CATSPER2: variants seen among roughly 807,000 people sequenced by gnomAD.
CATSPER2 encodes cation channel sperm associated 2, also known as cation channel sperm-associated protein 2.
Under a neutral mutation model 68.8 loss-of-function variants are expected in CATSPER2, and 56 were observed. The observed-to-expected ratio is 0.81, with a 90% confidence interval of 0.66 to 1.02. CATSPER2 has a LOEUF of 1.02. Among genes scored for constraint, CATSPER2 ranks in the 50% least tolerant of loss-of-function variants. The probability of loss-of-function intolerance (pLI) is 0.00; values close to 1 mark genes in which losing one functional copy is unlikely to be tolerated. For synonymous variants in CATSPER2, 198 were observed against 229.9 expected, an observed-to-expected ratio of 0.86 and a Z score of 1.26; for missense variants, 582 against 642.0, an observed-to-expected ratio of 0.91 and a Z score of 1.01.
Position 43,638,889 on chromosome 15 carries a change from C to T in CATSPER2, c.842+15G>A. ...AATTTTCTCCCCTCACCCAGCTGTC[C>T]CCAGCTCTGCTTACGAGAAGAACAC... is the stretch of plus-strand genomic sequence containing the variant. On this transcript the variant is annotated intron_variant, in intron 7 of 12. Coordinates refer to ENST00000396879, the MANE Select transcript of CATSPER2 (RefSeq NM_172095.4). The T allele has an allele frequency of 1.2e-6, 2 of 1,612,490 alleles. No homozygotes were observed. The highest frequency in any genetic ancestry group is 1.7e-6 in the Non-Finnish European group (2 of 1,179,160).
chr15:43,639,305 C>A lies in CATSPER2; in HGVS notation c.718-277G>T, dbSNP rs527819913. On this transcript the variant is annotated intron_variant, in intron 6 of 12. Transcript: ENST00000396879. Reference sequence around the variant, plus strand: ...TGTCGCCTAGGCTAGAGTGCAGTGGCGCAGTCTCGGCTCACTGCAACTTCC... The same window carrying A: ...TGTCGCCTAGGCTAGAGTGCAGTGGAGCAGTCTCGGCTCACTGCAACTTCC... 2.1e-4 allele frequency: 97 copies of A among 461,456 alleles called. 3 individuals are homozygous for A. The highest frequency in any genetic ancestry group is 9.3e-4 in the South Asian group (43 of 46,080). 28.6% of individuals were successfully genotyped at this position (461,456 alleles called of 1,614,324 possible).
Position 43,647,949 on chromosome 15 carries a change from G to A in CATSPER2, c.113C>T (p.Ala38Val), listed in dbSNP as rs1370654427. Residue 38 changes from alanine to valine, a missense_variant, in exon 2 of 13, where the codon GCT (alanine) becomes GTT (valine). This residue lies in a region of CATSPER2 where 197 missense variants were observed against 191.0 expected (regional missense o/e 1.03). Coordinates refer to ENST00000396879, the MANE Select transcript of CATSPER2 (RefSeq NM_172095.4). ...CTCCCTGATAGTGTGCCGCGGCACA[G>A]CTTGGCTCAAGCCTTGCAAATGCTC... ...LIEHLQGLSQ[A>V]VPRHTIRELL... is the part of the protein sequence containing the mutation. The A allele has an allele frequency of 6.8e-6, 11 of 1,613,594 alleles. No individual in the cohort carries two copies. The highest frequency in any genetic ancestry group is 8.5e-6 in the Non-Finnish European group (10 of 1,179,782).
At chr15:43,639,585 T>A in intron 6 of CATSPER2, 58 bp downstream of exon 6, 1 of 1,610,082 alleles carries the variant, frequency 6.2e-7, no homozygotes, top group South Asian at 1.1e-5. Flanking sequence ...ATATTCTATG[T>A]TAAGCCCTCA....
rs1360405041 is a variant in CATSPER2 at position 43,630,532 on chromosome 15, T to G, written c.*169A>C. On this transcript the variant is annotated 3_prime_UTR_variant, in exon 13 of 13. Coordinates refer to ENST00000396879, the MANE Select transcript of CATSPER2 (RefSeq NM_172095.4). ...ACCACACCCAGCTAATTTTTTTGTATTTTTAGTAGAGACAGGGTTTCACCA... is the reference window on the plus strand; with the variant it reads ...ACCACACCCAGCTAATTTTTTTGTAGTTTTAGTAGAGACAGGGTTTCACCA... 7.6e-6 allele frequency: 11 copies of G among 1,452,932 alleles called. No homozygotes were observed. The East Asian group carries it at 1.0e-4, about 14-fold the overall frequency. 90.0% of individuals were successfully genotyped at this position (1,452,932 alleles called of 1,614,324 possible).
In CATSPER2 at chr15:43,647,098, T is replaced by C. The variant is rs200118508; in HGVS notation, c.340A>G (p.Ile114Val). The C allele has an allele frequency of 8.1e-6, 13 of 1,612,816 alleles. No homozygotes were observed. The highest frequency in any genetic ancestry group is 1.1e-5 in the Non-Finnish European group (13 of 1,178,952). ...GTATTCAAAAAGACCAGGAAGATGATGAAGTTTTTGAAGAGAGGACCTGTT... is the reference window on the plus strand; with the variant it reads ...GTATTCAAAAAGACCAGGAAGATGACGAAGTTTTTGAAGAGAGGACCTGTT... Reference protein sequence around the residue: ...VLECPLFKNFIIFLVFLNTII... With the variant: ...VLECPLFKNFVIFLVFLNTII... Residue 114 changes from isoleucine (I) to valine (V), a missense_variant, in exon 4 of 13, where the codon ATC becomes GTC. By Grantham distance (29) the Ile-to-Val change is conservative. Coordinates refer to ENST00000396879, the MANE Select transcript of CATSPER2 (RefSeq NM_172095.4).
chr15:43,643,191 T>C (rs1422539676), intron 4 of CATSPER2, among the ~76,000 whole-genome samples: 2 of 151,948 alleles, frequency 1.3e-5, no homozygotes, highest in Non-Finnish European at 2.9e-5. Context: ...TAAATTCACA[T>C]TGGTTTCAAG....
At chr15:43,640,826 C>A (rs1226709083) in intron 4 of CATSPER2, among the ~76,000 whole-genome samples, 1 of 151,862 alleles carries the variant, frequency 6.6e-6, no homozygotes, top group East Asian at 1.9e-4. Context: ...AACCCCACCC[C>A]CATCTACTGT....
intron 1 of CATSPER2, 63 bp downstream of exon 1, chr15:43,648,566 C>A: frequency 7.5e-7 from 1 of 1,330,010 alleles, no homozygotes; most frequent in Non-Finnish European, 9.8e-7. Flanking sequence ...CCAAGTGTGT[C>A]CACTCCAACA....
At position 43,648,687 on chromosome 15, in the gene CATSPER2, A is replaced by C. The variant is rs1207568220; in HGVS notation, c.-61T>G. The C allele has an allele frequency of 1.2e-5, 17 of 1,445,712 alleles. No individual in the cohort carries two copies. The highest frequency in any genetic ancestry group is 7.3e-5 in the African/African-American group (5 of 68,620). 89.6% of individuals were successfully genotyped at this position (1,445,712 alleles called of 1,614,324 possible). On this transcript the variant is annotated 5_prime_UTR_variant, in exon 1 of 13. Coordinates refer to ENST00000396879, the MANE Select transcript of CATSPER2 (RefSeq NM_172095.4). ...TATTTCACGCTTCCGCCTCCAGCTCAGGTGCCCCGAGCCTGGCTACCCCTA... is the reference window on the plus strand; with the variant it reads ...TATTTCACGCTTCCGCCTCCAGCTCCGGTGCCCCGAGCCTGGCTACCCCTA...
intron 6 of CATSPER2, chr15:43,639,312 T>A (rs1432470399): frequency 2.2e-6 from 1 of 460,934 alleles, no homozygotes; most frequent in Non-Finnish European, 3.9e-6. Flanking sequence ...TGGCGCAGTC[T>A]CGGCTCACTG....
intron 8 of CATSPER2, 52 bp from the exon 9 acceptor site, chr15:43,635,878 A>G: frequency 1.3e-6 from 2 of 1,545,622 alleles, no homozygotes; most frequent in Non-Finnish European, 1.8e-6. Context: ...TAGACTTGGG[A>G]AGAGGGCTTG....
At chr15:43,639,098 C>G in intron 6 of CATSPER2, 70 bp from the exon 7 acceptor site, 2 of 1,584,752 alleles carry the variant, frequency 1.3e-6, no homozygotes. Context: ...CCCAGTCAAG[C>G]TCACCTGGCA....
Position 43,630,614 on chromosome 15 carries a change from G to C in CATSPER2, c.*87C>G. ...TTAATGAACAGACATTGTTCTATCTGAATGTTTATATTTTCAATTCTCTAT... is the reference window on the plus strand; with the variant it reads ...TTAATGAACAGACATTGTTCTATCTCAATGTTTATATTTTCAATTCTCTAT... On this transcript the variant is annotated 3_prime_UTR_variant, in exon 13 of 13. Coordinates refer to ENST00000396879, the MANE Select transcript of CATSPER2 (RefSeq NM_172095.4). 6.2e-7 allele frequency: 1 copy of C among 1,607,834 alleles called. No homozygotes were observed. Among genetic ancestry groups the C allele is most frequent in the Non-Finnish European group, 8.5e-7 (1 of 1,177,292 alleles).
rs772244535 is a variant in CATSPER2 at position 43,647,374 on chromosome 15, G to A, written c.239C>T (p.Ala80Val). 5.0e-6 allele frequency: 8 copies of A among 1,612,950 alleles called. No individual in the cohort carries two copies. In the South Asian group the frequency reaches 8.8e-5, roughly 18 times the overall value. The change falls in exon 3 of 13, where the codon GCC becomes GTC. Residue 80 changes from alanine (A) to valine (V), a missense_variant. Transcript: ENST00000396879. ...KPQRIEQISH[A>V]QRLLSRLHVR... ...ATGAAGCCTGCTCAACAGCCTCTGG[G>A]CATGTGAAATCTGTTCTATACGCTG... is the stretch of plus-strand genomic sequence containing the variant.
At chr15:43,648,849 G>T (rs764468189), upstream of CATSPER2, 3 of 1,524,400 alleles carry the variant, frequency 2.0e-6, no homozygotes, top group Admixed American at 2.0e-5. Flanking sequence ...AGCAACGCTC[G>T]CCCAGCCACT....
Position 43,647,116 on chromosome 15 carries a change from G to T in CATSPER2, c.322C>A (p.Pro108Thr), listed in dbSNP as rs773616477. Residue 108 changes from proline to threonine, a missense_variant and splice_region_variant, in exon 4 of 13, where the codon CCT becomes ACT. Physicochemically the swap from Pro to Thr is conservative, Grantham distance 38. This residue lies in a region of CATSPER2 where 197 missense variants were observed against 191.0 expected (regional missense o/e 1.03). Transcript: ENST00000396879. Reference sequence around the variant, plus strand: ...AAGATGATGAAGTTTTTGAAGAGAGGACCTGTTGTCTCTTAAGGAAATGTA... The same window carrying T: ...AAGATGATGAAGTTTTTGAAGAGAGTACCTGTTGTCTCTTAAGGAAATGTA... ...SLWAGWVLEC[P>T]LFKNFIIFLV... The T allele has an allele frequency of 6.2e-7, 1 of 1,610,744 alleles. No homozygotes were observed. Among genetic ancestry groups the T allele is most frequent in the Admixed American group, 1.7e-5 (1 of 60,002 alleles).
intron 6 of CATSPER2, 104 bp from the exon 7 acceptor site, chr15:43,639,132 C>A (rs534595496): frequency 1.5e-6 from 2 of 1,352,756 alleles, no homozygotes; most frequent in African/African-American, 2.9e-5. Context: ...CCCTCTCTTG[C>A]ACTGCTGAAC....
At chr15:43,634,003 C>T (rs907150309) in intron 10 of CATSPER2, 1 of 151,620 alleles carries the variant, frequency 6.6e-6, no homozygotes, top group Non-Finnish European at 1.5e-5. Context: ...GCAATCCCAC[C>T]TTCTACTCCC....
At chr15:43,643,738 A>C (rs2086111884) in intron 4 of CATSPER2, among the ~76,000 whole-genome samples, 1 of 152,028 alleles carries the variant, frequency 6.6e-6, no homozygotes, top group African/African-American at 2.4e-5. Flanking sequence ...TTGACCAAAA[A>C]CTTTATATAG....
Sources: gnomAD v4.1 joint callset for allele counts (sites outside exome capture counted in the v4.1 genomes callset) on GRCh38, gnomAD v4.1.1 for gene constraint, gnomAD v4.1.1 regional missense constraint, MANE v1.5 for transcripts, NCBI Gene and HGNC (gene_info 2026-07-23, HGNC 2026-07-21) for gene names.